MYO15A: variants seen among roughly 807,000 people sequenced by gnomAD.
The protein encoded by MYO15A is myosin XVA, also known as unconventional myosin-XV.
In MYO15A, 308 loss-of-function variants were observed where a neutral mutation model predicts 394.6. The ratio of observed to expected loss-of-function variants is 0.78; its 90% CI spans 0.71 to 0.86. MYO15A has a LOEUF of 0.86. MYO15A is among the 40% of genes least tolerant of loss of function. The probability of loss-of-function intolerance (pLI) is 0.00; values close to 1 mark genes in which losing one functional copy is unlikely to be tolerated. For synonymous variants in MYO15A, 1,957 were observed against 2,003.8 expected (o/e 0.98, Z 0.62); for missense variants, 4,606 against 4,799.1 (o/e 0.96, Z 1.19).
intron 60 of MYO15A, 29 bp from the exon 61 acceptor site, chr17:18,166,332 A>T: frequency 6.2e-7 from 1 of 1,607,988 alleles, no homozygotes; most frequent in Non-Finnish European, 8.5e-7. Context: ...ACATGCCCCC[A>T]CCCAGCCCTG....
At chr17:18,124,400 G>A (rs1036090846) in intron 2 of MYO15A, 83 bp from the exon 3 acceptor site, 45 of 1,412,390 alleles carry the variant, frequency 3.2e-5, no homozygotes, top group Non-Finnish European at 4.0e-5. Flanking sequence ...ATGGTAGCAG[G>A]CCCCAGGTAT....
chr17:18,155,143 T>C lies in MYO15A; in HGVS notation c.8258T>C (p.Val2753Ala). The C allele has an allele frequency of 6.2e-7, 1 of 1,613,860 alleles. No homozygotes were observed. Among genetic ancestry groups the C allele is most frequent in the Non-Finnish European group, 8.5e-7 (1 of 1,179,984 alleles). The change falls in exon 46 of 66, where the codon GTA becomes GCA. Residue 2753 changes from valine to alanine, a missense_variant. By Grantham distance (64) the Val-to-Ala change is moderately conservative. Transcript: ENST00000647165. ...QNQLDTQKPL[V>A]TESVKRAVVS... Reference sequence around the variant, plus strand: ...CAGCTGGACACACAGAAGCCTCTGGTAACGGAAAGCGTGAAGCGGGCCGTG... The same window carrying C: ...CAGCTGGACACACAGAAGCCTCTGGCAACGGAAAGCGTGAAGCGGGCCGTG...
At position 18,155,120 on chromosome 17, in the gene MYO15A, G is replaced by T; in HGVS notation, c.8235G>T (p.Gln2745His). The part of the protein sequence containing the change: ...LRMKALFAQN[Q>H]LDTQKPLVTE... ...CCTGGCCTCCCATAGCCCAGAACCA[G>T]CTGGACACACAGAAGCCTCTGGTAA... Residue 2745 changes from glutamine to histidine, a missense_variant, in exon 46 of 66, where the codon CAG (glutamine) becomes CAT (histidine). By Grantham distance (24) the Gln-to-His change is conservative. This residue lies in a region of MYO15A where 2,776 missense variants were observed against 3,109.3 expected (regional missense o/e 0.89). Transcript: ENST00000647165. 3.7e-6 allele frequency: 6 copies of T among 1,613,562 alleles called. No homozygotes were observed. The highest frequency in any genetic ancestry group is 5.1e-6 in the Non-Finnish European group (6 of 1,179,856).
At chr17:18,113,184 G>A (rs2045742853) in intron 1 of MYO15A, among the ~76,000 whole-genome samples, 1 of 151,982 alleles carries the variant, frequency 6.6e-6, no homozygotes, top group Non-Finnish European at 1.5e-5. Context: ...ACAGAGTCTT[G>A]CTCTGTGTCA....
Position 18,117,813 on chromosome 17 carries a change from C to A in MYO15A, c.-219-769C>A, listed in dbSNP as rs1360645224. ...CAGGGCAGAAAGTAAGAGGAGAGGA[C>A]AGGGCTAGGCAGGGACCCCAGAAAG... On this transcript the variant is annotated intron_variant, in intron 1 of 65. Transcript: ENST00000647165. This position sits in a 1 kb window ranked among gnomAD's most constrained non-coding sequence, Gnocchi z 4.1. 6.6e-6 allele frequency among the ~76,000 whole-genome samples: 1 copy of A among 152,214 alleles called. No individual in the cohort carries two copies. The highest frequency in any genetic ancestry group is 2.4e-5 in the African/African-American group (1 of 41,446).
chr17:18,148,655 G>A lies in MYO15A; in HGVS notation c.6764+87G>A. 1 of 1,545,760 alleles carries A rather than the reference G, an allele frequency of 6.5e-7. No individual in the cohort carries two copies. Among genetic ancestry groups the A allele is most frequent in the Admixed American group, 2.0e-5 (1 of 50,960 alleles). The stretch of plus-strand genomic sequence containing the variant: ...TCAGATCCCCCAGAGGGTCCCATAG[G>A]GTCCATTCTGTTCATGTTTAGGGTC... On this transcript the variant is annotated intron_variant, in intron 32 of 65. Coordinates refer to ENST00000647165, the MANE Select transcript of MYO15A (RefSeq NM_016239.4). The surrounding 1 kb of genome is among the most constrained non-coding windows in gnomAD (Gnocchi z 4.8).
intron 9 of MYO15A, 49 bp downstream of exon 9, chr17:18,131,391 A>G: frequency 1.2e-6 from 2 of 1,613,002 alleles, no homozygotes; most frequent in Non-Finnish European, 1.7e-6. Context: ...AGTGTCTTCC[A>G]TGTCCTGCCA....
At position 18,132,535 on chromosome 17, in the gene MYO15A, A is replaced by T; in HGVS notation, c.4289A>T (p.Gln1430Leu). ...PAQLRQAFSLQEAETYYYLNQ... is the reference protein window; with the variant it reads ...PAQLRQAFSLLEAETYYYLNQ... Reference sequence around the variant, plus strand: ...CAGCTCAGGCAGGCCTTTAGCCTGCAAGAGGCTGAGACCTACTACTATCTG... The same window carrying T: ...CAGCTCAGGCAGGCCTTTAGCCTGCTAGAGGCTGAGACCTACTACTATCTG... The change falls in exon 11 of 66, where the codon CAA becomes CTA. Residue 1430 changes from glutamine (Q) to leucine (L), a missense_variant. By Grantham distance (113) the Gln-to-Leu change is moderately radical (BLOSUM62 -2). This residue lies in a region of MYO15A where 2,776 missense variants were observed against 3,109.3 expected (regional missense o/e 0.89). Coordinates refer to ENST00000647165, the MANE Select transcript of MYO15A (RefSeq NM_016239.4). The surrounding 1 kb of genome is among the most constrained non-coding windows in gnomAD (Gnocchi z 4.6). The T allele has an allele frequency of 6.2e-7, 1 of 1,613,066 alleles. No individual in the cohort carries two copies. The highest frequency in any genetic ancestry group is 2.2e-5 in the East Asian group (1 of 44,884).
At chr17:18,127,212 T>C in intron 7 of MYO15A, 47 bp downstream of exon 7, 3 of 1,598,668 alleles carry the variant, frequency 1.9e-6, no homozygotes, top group Non-Finnish European at 2.6e-6. Flanking sequence ...CACCCTTTGA[T>C]AAGCACACCT....
intron 50 of MYO15A, 43 bp from the exon 51 acceptor site, chr17:18,157,679 A>G (rs776207339): frequency 1.2e-6 from 2 of 1,601,628 alleles, no homozygotes; most frequent in East Asian, 2.2e-5. Flanking sequence ...TAGTCACAAG[A>G]CAAGACCCTC....
At chr17:18,136,284 T>C in intron 13 of MYO15A, 133 bp from the exon 14 acceptor site, 1 of 1,133,420 alleles carries the variant, frequency 8.8e-7, no homozygotes, top group Non-Finnish European at 1.3e-6. Context: ...TGGTCCTGCC[T>C]AGTCTCTGTG....
At chr17:18,155,003 C>A in intron 45 of MYO15A, 107 bp from the exon 46 acceptor site, 1 of 1,107,582 alleles carries the variant, frequency 9.0e-7, no homozygotes, top group Non-Finnish European at 1.3e-6. Context: ...AGACACTGGT[C>A]AGATACCTTC....
In MYO15A at chr17:18,137,604, T is replaced by G. The variant is rs1329082664; in HGVS notation, c.4800T>G (p.Phe1600Leu). The G allele has an allele frequency of 6.2e-7, 1 of 1,613,906 alleles. No individual in the cohort carries two copies. Among genetic ancestry groups the G allele is most frequent in the African/African-American group, 1.3e-5 (1 of 74,940 alleles). The part of the protein sequence containing the change: ...YGFEDLSFNS[F>L]EQLCINYANE... ...GGCAGGACCTGAGCTTCAACAGCTTTGAGCAGCTGTGTATTAACTACGCAA... is the reference window on the plus strand; with the variant it reads ...GGCAGGACCTGAGCTTCAACAGCTTGGAGCAGCTGTGTATTAACTACGCAA... The change falls in exon 16 of 66, where the codon TTT (phenylalanine) becomes TTG (leucine). Residue 1600 changes from phenylalanine to leucine, a missense_variant. By Grantham distance (22) the Phe-to-Leu change is conservative. Around this residue, in one of 2 missense-constraint regions of MYO15A, gnomAD observed 2,776 missense variants for 3,109.3 expected, o/e 0.89. Transcript: ENST00000647165.
chr17:18,136,391 C>A, intron 13 of MYO15A, 26 bp from the exon 14 acceptor site: 1 of 1,613,408 alleles, frequency 6.2e-7, no homozygotes, highest in South Asian at 1.1e-5. Context: ...AGCCTGATGT[C>A]ACTCAAGGGC....
rs1476723179 is a variant in MYO15A at position 18,132,282 on chromosome 17, C to T, written c.4207-171C>T. Reference sequence around the variant, plus strand: ...ACCAGGGCACCTCTGCTTCTGCCCTCACCCGCAGCTGGCACCAGGCTGGGA... The same window carrying T: ...ACCAGGGCACCTCTGCTTCTGCCCTTACCCGCAGCTGGCACCAGGCTGGGA... On this transcript the variant is annotated intron_variant, in intron 10 of 65. Transcript: ENST00000647165. This position sits in a 1 kb window ranked among gnomAD's most constrained non-coding sequence, Gnocchi z 4.6. 6.6e-6 allele frequency among the ~76,000 whole-genome samples: 1 copy of T among 152,242 alleles called. No homozygotes were observed. The highest frequency in any genetic ancestry group is 1.5e-5 in the Non-Finnish European group (1 of 68,034).
chr17:18,153,889 G>C lies in MYO15A; in HGVS notation c.8081G>C (p.Arg2694Pro). 6.2e-7 allele frequency: 1 copy of C among 1,613,520 alleles called. No individual in the cohort carries two copies. Among genetic ancestry groups the C allele is most frequent in the South Asian group, 1.1e-5 (1 of 91,078 alleles). Residue 2694 changes from arginine (R) to proline (P), a missense_variant, in exon 43 of 66, where the codon CGC (arginine) becomes CCC (proline). Transcript: ENST00000647165. This position sits in a 1 kb window ranked among gnomAD's most constrained non-coding sequence, Gnocchi z 4.1. The part of the protein sequence containing the change: ...YQDAPWKIFL[R>P]KEVFYPKDSY... ...GACGCCCCCTGGAAGATCTTCCTGCGCAAAGAGGTGCCGAGCACAGCCGTA... is the reference window on the plus strand; with the variant it reads ...GACGCCCCCTGGAAGATCTTCCTGCCCAAAGAGGTGCCGAGCACAGCCGTA...
At position 18,143,940 on chromosome 17, in the gene MYO15A, C is replaced by T. The variant is rs927638857; in HGVS notation, c.6117C>T (p.Val2039=). The T allele has an allele frequency of 1.9e-6, 3 of 1,611,654 alleles. No individual in the cohort carries two copies. Among genetic ancestry groups the T allele is most frequent in the Non-Finnish European group, 2.5e-6 (3 of 1,179,206 alleles). ...CTCGACTCCAGGCTGAGCCCCGTGT[C>T]ACACTGCCCCTGGACATCAACAACT... ...RTPRLQAEPR[V]TLPLDINNYP... is the part of the protein sequence containing the mutation. The change falls in exon 28 of 66, where the codon GTC becomes GTT. Residue 2039 remains valine (V), a synonymous_variant. Transcript: ENST00000647165.
rs2047054815 is a variant in MYO15A at position 18,179,068 on chromosome 17, C to T, written c.*198C>T. 9 of 638,198 alleles carry T rather than the reference C, an allele frequency of 1.4e-5. No homozygotes were observed. The highest frequency in any genetic ancestry group is 2.2e-5 in the Non-Finnish European group (8 of 358,570). 39.5% of individuals were successfully genotyped at this position (638,198 alleles called of 1,614,324 possible). ...TGAACTGGGATGGAATGGCAGCATG[C>T]AAACTTGGATCAGATAGCAGGAGGA... On this transcript the variant is annotated 3_prime_UTR_variant, in exon 66 of 66. Coordinates refer to ENST00000647165, the MANE Select transcript of MYO15A (RefSeq NM_016239.4).
At chr17:18,127,425 T>C (rs1220335554) in intron 7 of MYO15A, among the ~76,000 whole-genome samples, 2 of 152,066 alleles carry the variant, frequency 1.3e-5, no homozygotes, top group Non-Finnish European at 1.5e-5. Context: ...GGAGACCACA[T>C]AGGGAAGGGG....
Sources: gnomAD v4.1 joint callset for allele counts (sites outside exome capture counted in the v4.1 genomes callset) on GRCh38, gnomAD v4.1.1 for gene constraint, gnomAD v4.1.1 regional missense constraint, Gnocchi (gnomAD v3.1) non-coding constraint, MANE v1.5 for transcripts, NCBI Gene and HGNC (gene_info 2026-07-23, HGNC 2026-07-21) for gene names.